FAM135B: variants seen among roughly 807,000 people sequenced by gnomAD.
The protein encoded by FAM135B is family with sequence similarity 135 member B.
Under a neutral mutation model 127.7 loss-of-function variants are expected in FAM135B, and 43 were observed. The ratio of observed to expected loss-of-function variants is 0.34; its 90% CI spans 0.26 to 0.43. FAM135B has a LOEUF of 0.43. Among genes scored for constraint, FAM135B ranks in the 20% least tolerant of loss-of-function variants. The pLI, the probability that FAM135B is intolerant of heterozygous loss-of-function variation, is 1.00. For missense variants in FAM135B, 1,558 were observed against 1,725.6 expected (o/e 0.90, Z 1.72); for synonymous variants, 670 against 665.1 (o/e 1.01, Z -0.11).
chr8:138,479,161 C>T (rs1364107627), intron 1 of FAM135B, among the ~76,000 whole-genome samples: 1 of 152,190 alleles, frequency 6.6e-6, no homozygotes, highest in Non-Finnish European at 1.5e-5. Flanking sequence ...AACTTCCATG[C>T]CCTCTCCAGG....
intron 1 of FAM135B, among the ~76,000 whole-genome samples, chr8:138,399,489 T>C (rs1412571202): frequency 1.3e-5 from 2 of 152,110 alleles, no homozygotes; most frequent in Non-Finnish European, 2.9e-5. Flanking sequence ...TTTTTTAGGA[T>C]TCACTGAAGG....
chr8:138,206,529 C>A (rs911341199), intron 7 of FAM135B, among the ~76,000 whole-genome samples: 3 of 151,714 alleles, frequency 2.0e-5, no homozygotes. Flanking sequence ...ATCATCCCCT[C>A]CATCTACACA....
chr8:138,276,132 AG>A (rs1413617522), intron 3 of FAM135B, among the ~76,000 whole-genome samples: 1 of 152,194 alleles, frequency 6.6e-6, no homozygotes, highest in Non-Finnish European at 1.5e-5. Context: ...GGTACAGCCA[AG>A]GCCCCACCTT....
At chr8:138,275,645 T>C (rs1208290058) in intron 3 of FAM135B, among the ~76,000 whole-genome samples, 3 of 152,212 alleles carry the variant, frequency 2.0e-5, no homozygotes, top group South Asian at 4.2e-4. Context: ...CAGTGAGCCA[T>C]GATCTTGCCA....
intron 1 of FAM135B, chr8:138,441,076 T>C (rs891943003): frequency 1.3e-5 from 2 of 152,172 alleles, no homozygotes; most frequent in African/African-American, 4.8e-5. Context: ...GAGGAAGTGC[T>C]CACTCTAGCA....
intron 1 of FAM135B, among the ~76,000 whole-genome samples, 193 bp downstream of exon 1, chr8:138,496,478 A>G (rs1815396664): frequency 1.3e-5 from 2 of 152,120 alleles, no homozygotes; most frequent in African/African-American, 4.8e-5. Context: ...TATCCCCTCA[A>G]GACCTGTCCA....
At chr8:138,340,916 CTG>C (rs916233875) in intron 2 of FAM135B, among the ~76,000 whole-genome samples, 9 of 152,354 alleles carry the variant, frequency 5.9e-5, no homozygotes, top group South Asian at 4.1e-4. Flanking sequence ...CTCCACCTCC[CTG>C]TGTTACATGA....
intron 1 of FAM135B, among the ~76,000 whole-genome samples, chr8:138,389,615 A>G (rs1832425509): frequency 6.6e-6 from 1 of 152,228 alleles, no homozygotes; most frequent in South Asian, 2.1e-4. Context: ...ATCCTGACCA[A>G]GACAAATCCA....
chr8:138,409,385 C>T (rs1274637394), intron 1 of FAM135B, among the ~76,000 whole-genome samples: 1 of 151,984 alleles, frequency 6.6e-6, no homozygotes, highest in Non-Finnish European at 1.5e-5. Context: ...TCAAAGAAGA[C>T]TAATCATGGA....
chr8:138,183,856 C>G (rs547663221), intron 9 of FAM135B, among the ~76,000 whole-genome samples: 91 of 152,310 alleles, frequency 6.0e-4, no homozygotes, highest in African/African-American at 2.1e-3. Flanking sequence ...TTTGGAGACA[C>G]GTTTTGCAGT....
chr8:138,248,389 C>A (rs779939226), intron 6 of FAM135B, among the ~76,000 whole-genome samples: 10 of 152,212 alleles, frequency 6.6e-5, no homozygotes, highest in African/African-American at 1.2e-4. Flanking sequence ...AGCTTCCAGA[C>A]ATGGCCTCTC....
chr8:138,288,617 A>G (rs1476491782), intron 3 of FAM135B, among the ~76,000 whole-genome samples: 2 of 152,200 alleles, frequency 1.3e-5, no homozygotes, highest in East Asian at 1.9e-4. Context: ...CTGGGCTGTC[A>G]CATGCCAGGG....
intron 3 of FAM135B, among the ~76,000 whole-genome samples, chr8:138,280,970 T>C (rs1275571202): frequency 6.6e-6 from 1 of 152,036 alleles, no homozygotes; most frequent in Admixed American, 6.5e-5. Context: ...AGGCTACAGC[T>C]CCTCCGGGGG....
intron 3 of FAM135B, among the ~76,000 whole-genome samples, chr8:138,277,504 G>T (rs912093995): frequency 6.6e-6 from 1 of 152,146 alleles, no homozygotes; most frequent in Non-Finnish European, 1.5e-5. Flanking sequence ...AGCAAATGCA[G>T]AACAGAAGGG....
Position 138,142,284 on chromosome 8 carries a change from T to G in FAM135B, c.3638+728A>C, listed in dbSNP as rs111386215. Among the ~76,000 whole-genome samples, 586 of 112,486 alleles carry G rather than the reference T, an allele frequency of 5.2e-3. 5 individuals carry two copies. The highest frequency in any genetic ancestry group is 0.019 in the African/African-American group (560 of 30,206). 73.8% of individuals were successfully genotyped at this position (112,486 alleles called of 152,430 possible). A position where few individuals can be genotyped will look rare whatever the true frequency, so the allele number is the denominator to read the frequency against. On this transcript the variant is annotated intron_variant, in intron 16 of 19. Transcript: ENST00000395297. ...TTTGGGGTGGGCAACTCATTCTGCT[T>G]CTTCTTTTTTTTTTTTTTTTTTTTT...
At chr8:138,201,135 C>A (rs1817086003) in intron 7 of FAM135B, among the ~76,000 whole-genome samples, 2 of 152,178 alleles carry the variant, frequency 1.3e-5, no homozygotes, top group South Asian at 4.2e-4. Flanking sequence ...ACAAAGGCAC[C>A]AAATACAGTA....
rs141474751 is a variant in FAM135B at position 138,368,977 on chromosome 8, C to T, written c.-19-975G>A. On this transcript the variant is annotated intron_variant, in intron 1 of 19. Transcript: ENST00000395297. ...CAACAAGAATTTTGTATTATTCTTG[C>T]CCCATTTTGCATGCAAGAAAAAAGG... Among the ~76,000 whole-genome samples, 417 of 152,160 alleles carry T rather than the reference C, an allele frequency of 2.7e-3. 2 individuals carry two copies. The highest frequency in any genetic ancestry group is 9.2e-3 in the African/African-American group (382 of 41,528).
intron 9 of FAM135B, among the ~76,000 whole-genome samples, chr8:138,184,981 C>G (rs975934516): frequency 2.0e-5 from 3 of 152,132 alleles, no homozygotes; most frequent in Non-Finnish European, 4.4e-5. Context: ...TTTCTCAAAC[C>G]AGCTGCCTCC....
intron 9 of FAM135B, among the ~76,000 whole-genome samples, chr8:138,182,468 C>G (rs994907130): frequency 6.6e-6 from 1 of 152,170 alleles, no homozygotes; most frequent in Non-Finnish European, 1.5e-5. Context: ...TGGGTGCTAA[C>G]CAAGCACCTT....
Sources: gnomAD v4.1 joint callset for allele counts (sites outside exome capture counted in the v4.1 genomes callset) on GRCh38, gnomAD v4.1.1 for gene constraint, MANE v1.5 for transcripts, NCBI Gene and HGNC (gene_info 2026-07-23, HGNC 2026-07-21) for gene names.